SLC9A2: variants seen among roughly 807,000 people sequenced by gnomAD.
SLC9A2 encodes the protein solute carrier family 9 member A2, also known as sodium/hydrogen exchanger 2.
A neutral mutation model predicts 71.7 loss-of-function variants in SLC9A2; 42 were observed. That is an observed-to-expected ratio of 0.59 (90% CI 0.46 to 0.76). The LOEUF (loss-of-function observed/expected upper bound fraction) is 0.76, where lower values mean the gene tolerates loss of function less well. SLC9A2 is among the 30% of genes least tolerant of loss of function. The pLI is 0.00. For synonymous variants in SLC9A2, 396 were observed against 392.5 expected (o/e 1.01, Z -0.10); for missense variants, 829 against 1,017.4 (o/e 0.81, Z 2.52).
Position 102,619,653 on chromosome 2 carries a change from C to T in SLC9A2, c.-196C>T, listed in dbSNP as rs1004515212. The T allele has an allele frequency of 7.9e-5, 37 of 467,808 alleles. No homozygotes were observed. Among genetic ancestry groups the T allele is most frequent in the Non-Finnish European group, 1.4e-4 (37 of 272,818 alleles). 29.0% of individuals were successfully genotyped at this position (467,808 alleles called of 1,614,324 possible). On this transcript the variant is annotated 5_prime_UTR_variant, in exon 1 of 12. Coordinates refer to ENST00000233969, the MANE Select transcript of SLC9A2 (RefSeq NM_003048.6). This position sits in a 1 kb window ranked among gnomAD's most constrained non-coding sequence, Gnocchi z 4.3. Reference sequence around the variant, plus strand: ...GCCTCTCGTCGCCCTGCACGTGCCTCGCCAGGCAGTGCGCCTGCTCGCAGC... The same window carrying T: ...GCCTCTCGTCGCCCTGCACGTGCCTTGCCAGGCAGTGCGCCTGCTCGCAGC...
intron 1 of SLC9A2, 23 bp from the exon 2 acceptor site, chr2:102,657,541 T>G: frequency 6.6e-7 from 1 of 1,521,332 alleles, no homozygotes; most frequent in Non-Finnish European, 8.9e-7. Context: ...CCAAGTTGTG[T>G]GTTTTTATTT....
chr2:102,654,720 T>C (rs1331052910), intron 1 of SLC9A2, among the ~76,000 whole-genome samples: 1 of 152,192 alleles, frequency 6.6e-6, no homozygotes, highest in African/African-American at 2.4e-5. Flanking sequence ...GATTTTGTCA[T>C]TGTGTGACAT....
chr2:102,656,090 A>G (rs1676935833), intron 1 of SLC9A2, among the ~76,000 whole-genome samples: 1 of 152,240 alleles, frequency 6.6e-6, no homozygotes, highest in South Asian at 2.1e-4. Flanking sequence ...ATTCTGCTTT[A>G]GTTCTAAAAC....
Position 102,695,094 on chromosome 2 carries a change from C to A in SLC9A2, c.1567C>A (p.His523Asn). The change falls in exon 7 of 12, where the codon CAC becomes AAC. Residue 523 changes from histidine (H) to asparagine (N), a missense_variant. Physicochemically the swap from His to Asn is moderately conservative, Grantham distance 68. This residue lies in a region of SLC9A2 where 500 missense variants were observed against 726.3 expected (regional missense o/e 0.69). Coordinates refer to ENST00000233969, the MANE Select transcript of SLC9A2 (RefSeq NM_003048.6). ...TGAAGATGTTTGTGGACATTGGGGT[C>A]ACAACTTTTGGAGAGACAAGTAAGA... is the stretch of plus-strand genomic sequence containing the variant. ...GIEDVCGHWG[H>N]NFWRDKFKKF... The A allele has an allele frequency of 1.2e-6, 2 of 1,613,676 alleles. No individual in the cohort carries two copies. Among genetic ancestry groups the A allele is most frequent in the Non-Finnish European group, 8.5e-7 (1 of 1,179,746 alleles).
chr2:102,650,356 G>A (rs1421641311), intron 1 of SLC9A2, among the ~76,000 whole-genome samples: 2 of 152,036 alleles, frequency 1.3e-5, no homozygotes, highest in East Asian at 1.9e-4. Flanking sequence ...GAGAGCATTA[G>A]GACAAATACC....
chr2:102,700,306 A>G (rs1677849449), intron 7 of SLC9A2, among the ~76,000 whole-genome samples: 1 of 152,156 alleles, frequency 6.6e-6, no homozygotes, highest in African/African-American at 2.4e-5. Flanking sequence ...TGGCATAGAG[A>G]TGCTATTAAA....
chr2:102,703,594 GC>G lies in SLC9A2; in HGVS notation c.1846-948del, dbSNP rs140777142. Among the ~76,000 whole-genome samples, 266 of 152,252 alleles carry G rather than the reference GC, an allele frequency of 1.7e-3. 1 individual carries two copies. Among genetic ancestry groups the G allele is most frequent in the African/African-American group, 6.1e-3 (253 of 41,544 alleles). On this transcript the variant is annotated intron_variant, in intron 9 of 11. Transcript: ENST00000233969. ...TCCATGATTTTGCATAATTTTGTTA[GC>G]CTTAGATGCTCAGTGAGATGGTAAA...
intron 3 of SLC9A2, 70 bp from the exon 4 acceptor site, chr2:102,683,191 A>T: frequency 9.4e-7 from 1 of 1,067,824 alleles, no homozygotes; most frequent in Non-Finnish European, 1.4e-6. Context: ...TTTAGCTCTT[A>T]AGTGCTATCT....
intron 3 of SLC9A2, among the ~76,000 whole-genome samples, chr2:102,676,780 A>C (rs1004894927): frequency 1.3e-5 from 2 of 152,244 alleles, no homozygotes; most frequent in Non-Finnish European, 2.9e-5. Context: ...GAGTCACCAC[A>C]AGACCTGGCT....
chr2:102,707,295 CTTTTTTTAT>C (rs1015866001), intron 11 of SLC9A2, among the ~76,000 whole-genome samples: 5 of 70,836 alleles, frequency 7.1e-5, no homozygotes, highest in African/African-American at 1.9e-4. Context: ...CATTACCCCT[CTTTTTTTAT>C]TTTTTTTTTT....
chr2:102,642,354 A>G (rs1175228909), intron 1 of SLC9A2, among the ~76,000 whole-genome samples: 1 of 152,100 alleles, frequency 6.6e-6, no homozygotes, highest in Non-Finnish European at 1.5e-5. Flanking sequence ...TTCTATTCCT[A>G]ATTTGCTGAG....
chr2:102,634,693 C>T (rs1392992422), intron 1 of SLC9A2, among the ~76,000 whole-genome samples: 7 of 152,100 alleles, frequency 4.6e-5, no homozygotes, highest in Admixed American at 1.3e-4. Context: ...AAATATGTTA[C>T]GTAAGCTTAA....
chr2:102,685,607 C>A (rs1333952696), intron 5 of SLC9A2, among the ~76,000 whole-genome samples: 1 of 151,914 alleles, frequency 6.6e-6, no homozygotes, highest in African/African-American at 2.4e-5. Flanking sequence ...ATGGGATTCC[C>A]TGATGGATTA....
At chr2:102,622,990 A>G (rs1676172367) in intron 1 of SLC9A2, among the ~76,000 whole-genome samples, 1 of 152,014 alleles carries the variant, frequency 6.6e-6, no homozygotes, top group South Asian at 2.1e-4. Context: ...TCTCACTTTC[A>G]TTATGTGGTA....
chr2:102,629,376 C>T (rs761968978), intron 1 of SLC9A2, among the ~76,000 whole-genome samples: 3 of 151,878 alleles, frequency 2.0e-5, no homozygotes, highest in South Asian at 2.1e-4. Flanking sequence ...TGCGCATGTA[C>T]TTTTTTTCCA....
At chr2:102,620,223 A>G in intron 1 of SLC9A2, 86 bp downstream of exon 1, 1 of 1,178,510 alleles carries the variant, frequency 8.5e-7, no homozygotes, top group East Asian at 2.6e-5. Flanking sequence ...GCTGACCTCT[A>G]GATAGTGACC....
intron 1 of SLC9A2, among the ~76,000 whole-genome samples, chr2:102,627,856 A>G (rs116600366): frequency 0.015 from 2,221 of 152,260 alleles, 59 homozygotes; most frequent in African/African-American, 0.05. Flanking sequence ...AAGAGTAAGA[A>G]ACACCAATAT....
At chr2:102,683,729 T>C (rs561825106) in intron 4 of SLC9A2, among the ~76,000 whole-genome samples, 1 of 131,902 alleles carries the variant, frequency 7.6e-6, no homozygotes, top group South Asian at 2.9e-4. Flanking sequence ...TTCTTCCTCA[T>C]CCTCCATCCT....
chr2:102,645,094 G>A (rs779358987), intron 1 of SLC9A2, among the ~76,000 whole-genome samples: 5 of 152,192 alleles, frequency 3.3e-5, no homozygotes, highest in Non-Finnish European at 7.3e-5. Context: ...AAAGCTTCCA[G>A]AGGAAGGAGC....
Sources: allele counts gnomAD v4.1 joint callset (sites outside exome capture counted in the v4.1 genomes callset), GRCh38; gene constraint gnomAD v4.1.1; regional missense constraint gnomAD v4.1.1; non-coding constraint Gnocchi (gnomAD v3.1); transcripts MANE v1.5; gene names NCBI Gene and HGNC (gene_info 2026-07-23, HGNC 2026-07-21).